STX2: variants seen among roughly 807,000 people sequenced by gnomAD.
STX2 encodes syntaxin-2.
In STX2, 27 loss-of-function variants were observed where a neutral mutation model predicts 40.6. The observed-to-expected ratio is 0.66, with a 90% CI of 0.49 to 0.92. The LOEUF (loss-of-function observed/expected upper bound fraction) is 0.92, where lower values mean the gene tolerates loss of function less well. Among genes scored for constraint, STX2 ranks in the 40% least tolerant of loss-of-function variants. STX2 has a pLI of 0.00. For missense variants in STX2, 328 were observed against 366.1 expected (o/e 0.90, Z 0.85); for synonymous variants, 123 against 119.1 (o/e 1.03, Z -0.22).
At chr12:130,828,953 T>G (rs1193425145) in intron 1 of STX2, among the ~76,000 whole-genome samples, 1 of 151,186 alleles carries the variant, frequency 6.6e-6, no homozygotes. Context: ...TAGACCCACA[T>G]AGTTTAACAC....
chr12:130,835,525 T>A (rs563174513), intron 1 of STX2, among the ~76,000 whole-genome samples: 38 of 152,332 alleles, frequency 2.5e-4, no homozygotes, highest in African/African-American at 6.5e-4. Context: ...AAACTTTTTT[T>A]AAAAAGTAAT....
At position 130,827,233 on chromosome 12, in the gene STX2, A is replaced by G; in HGVS notation, c.65T>C (p.Val22Ala). Residue 22 changes from valine (V) to alanine (A), a missense_variant, in exon 2 of 11, where the codon GTG (valine) becomes GCG (alanine). Physicochemically the swap from Val to Ala is moderately conservative, Grantham distance 64 (BLOSUM62 0). Coordinates refer to ENST00000392373, the MANE Select transcript of STX2 (RefSeq NM_194356.4). ...ATCCATGAAATGATCTTTCTCAACC[A>G]CAACAACTGTGTCTCCATCATCATT... is the stretch of plus-strand genomic sequence containing the variant. ...RKNDDGDTVV[V>A]VEKDHFMDDF... is the part of the protein sequence containing the mutation. The G allele has an allele frequency of 6.2e-7, 1 of 1,613,980 alleles. No homozygotes were observed. The highest frequency in any genetic ancestry group is 8.5e-7 in the Non-Finnish European group (1 of 1,179,958).
At chr12:130,821,615 T>G in intron 3 of STX2, 74 bp downstream of exon 3, 1 of 1,221,650 alleles carries the variant, frequency 8.2e-7, no homozygotes, top group Non-Finnish European at 1.2e-6. Context: ...AGGCCAGAGT[T>G]GAGGCCTGTG....
intron 10 of STX2, among the ~76,000 whole-genome samples, chr12:130,792,408 T>C (rs1181188278): frequency 6.6e-6 from 1 of 152,230 alleles, no homozygotes; most frequent in African/African-American, 2.4e-5. Flanking sequence ...TTTAATTGGA[T>C]GAATTACACA....
intron 4 of STX2, chr12:130,810,644 A>T (rs1308632217): frequency 6.6e-6 from 1 of 152,226 alleles, no homozygotes; most frequent in Non-Finnish European, 1.5e-5. Context: ...CTACTAGCCA[A>T]AGAGACCATC....
rs770752005 is a variant in STX2, at chr12:130,821,749, ATTGAG to A, written c.140_144del (p.Thr47IlefsTer3). 22 of 1,613,428 alleles carry A rather than the reference ATTGAG, an allele frequency of 1.4e-5. No homozygotes were observed. The highest frequency in any genetic ancestry group is 1.9e-5 in the Non-Finnish European group (22 of 1,179,472). ...TGGTTTTTCTTTACTTCTTCAACATATTGAGTTATTTTATCAATACTGTTTCTAAT... is the reference window on the plus strand; with the variant it reads ...TGGTTTTTCTTTACTTCTTCAACATATTATTTTATCAATACTGTTTCTAAT... On this transcript the variant is annotated frameshift_variant, in exon 3 of 11. Transcript: ENST00000392373. LOFTEE classifies it high-confidence loss of function.
intron 6 of STX2, 134 bp from the exon 7 acceptor site, chr12:130,801,622 C>T (rs1441271298): frequency 3.4e-6 from 3 of 878,854 alleles, no homozygotes; most frequent in Non-Finnish European, 4.8e-6. Flanking sequence ...TTTTCTTAAG[C>T]AGATATTGAC....
chr12:130,803,545 T>C (rs1400744682), intron 6 of STX2, among the ~76,000 whole-genome samples: 2 of 151,694 alleles, frequency 1.3e-5, no homozygotes, highest in Non-Finnish European at 2.9e-5. Flanking sequence ...TGTGCTTCTG[T>C]GGTCCCAGCT....
chr12:130,818,185 A>ATATATATATATAT (rs1555222352), intron 3 of STX2, among the ~76,000 whole-genome samples: 53 of 70,522 alleles, frequency 7.5e-4, no homozygotes, highest in African/African-American at 1.2e-3. Flanking sequence ...AAAAAAAAAA[A>ATATATATATATAT]ATATATATAT....
chr12:130,818,185 A>AAAAATATATATAT, intron 3 of STX2, among the ~76,000 whole-genome samples: 14 of 70,504 alleles, frequency 2.0e-4, no homozygotes, highest in African/African-American at 4.8e-4. Flanking sequence ...AAAAAAAAAA[A>AAAAATATATATAT]ATATATATAT....
At chr12:130,806,822 T>G (rs1951452234) in intron 6 of STX2, among the ~76,000 whole-genome samples, 160 bp downstream of exon 6, 1 of 152,226 alleles carries the variant, frequency 6.6e-6, no homozygotes, top group African/African-American at 2.4e-5. Flanking sequence ...AAGAACAGGT[T>G]TGCCTGACTC....
chr12:130,811,681 A>G (rs1447712057), intron 4 of STX2, among the ~76,000 whole-genome samples: 1 of 151,292 alleles, frequency 6.6e-6, no homozygotes, highest in Non-Finnish European at 1.5e-5. Context: ...CTGGGACTAC[A>G]GGCACCCGCC....
chr12:130,808,503 A>G (rs1204712108), intron 5 of STX2, 128 bp downstream of exon 5: 3 of 893,422 alleles, frequency 3.4e-6, no homozygotes, highest in Non-Finnish European at 5.1e-6. Context: ...ATACTATATT[A>G]TTTTTGTGCA....
chr12:130,804,961 A>G (rs1951374197), intron 6 of STX2, among the ~76,000 whole-genome samples: 1 of 152,134 alleles, frequency 6.6e-6, no homozygotes, highest in Non-Finnish European at 1.5e-5. Context: ...CCGGATTCAC[A>G]TGGGGAGTGA....
Position 130,798,561 on chromosome 12 carries a change from T to C in STX2, c.750A>G (p.Thr250=), listed in dbSNP as rs1221752209. 6.2e-7 allele frequency: 1 copy of C among 1,607,104 alleles called. No homozygotes were observed. Among genetic ancestry groups the C allele is most frequent in the African/African-American group, 1.3e-5 (1 of 74,584 alleles). The change falls in exon 9 of 11, where the codon ACA becomes ACG. Residue 250 remains threonine, a synonymous_variant. Transcript: ENST00000392373. ...TDYVEHAKEE[T]KKAIKYQSKA... The stretch of plus-strand genomic sequence containing the variant: ...TGCTCTGATATTTGATAGCTTTTTT[T>C]GTTTCTTCTTTAGCGTGTTCTACAT...
At chr12:130,806,658 A>G (rs1951445949) in intron 6 of STX2, among the ~76,000 whole-genome samples, 2 of 152,214 alleles carry the variant, frequency 1.3e-5, no homozygotes. Context: ...GTGAGGAGCC[A>G]TGAAGATGCC....
chr12:130,834,537 A>G (rs1195180371), intron 1 of STX2, among the ~76,000 whole-genome samples: 2 of 152,178 alleles, frequency 1.3e-5, no homozygotes, highest in East Asian at 3.8e-4. Flanking sequence ...GAGCTCTTCT[A>G]TGGATCAGTT....
At chr12:130,826,521 C>T (rs549657932) in intron 2 of STX2, among the ~76,000 whole-genome samples, 25 of 152,296 alleles carry the variant, frequency 1.6e-4, no homozygotes, top group Admixed American at 1.3e-3. Context: ...CACAGCTCCA[C>T]CATCCACACC....
intron 3 of STX2, among the ~76,000 whole-genome samples, chr12:130,817,538 T>C (rs1301031106): frequency 6.6e-6 from 1 of 152,144 alleles, no homozygotes; most frequent in African/African-American, 2.4e-5. Flanking sequence ...AGGATGCTAC[T>C]TGAAGAAGTA....
Sources: allele counts gnomAD v4.1 joint callset (sites outside exome capture counted in the v4.1 genomes callset), GRCh38; gene constraint gnomAD v4.1.1; transcripts MANE v1.5; gene names NCBI Gene and HGNC (gene_info 2026-07-23, HGNC 2026-07-21).